Variants in CA10 observed in about 807,000 individuals in gnomAD.
CA10 encodes the protein carbonic anhydrase 10 (inactive).
In CA10, 14 loss-of-function variants were observed where a neutral mutation model predicts 44.2. The observed-to-expected ratio is 0.32, with a 90% CI of 0.21 to 0.50. The LOEUF is 0.50. Ranked by LOEUF, CA10 falls within the 20% of genes least tolerant of loss-of-function variation. The pLI is 0.99. For synonymous variants in CA10, 159 were observed against 141.6 expected, an observed-to-expected ratio of 1.12 and a Z score of -0.87; for missense variants, 350 against 409.7, an observed-to-expected ratio of 0.85 and a Z score of 1.26.
chr17:51,840,515 ACG>A, intron 3 of CA10, among the ~76,000 whole-genome samples: 1 of 142,050 alleles, frequency 7.0e-6, no homozygotes, highest in Non-Finnish European at 1.6e-5. Flanking sequence ...ACACACACAC[ACG>A]TACTATAGTT....
At chr17:52,097,562 C>A (rs57011705) in intron 1 of CA10, among the ~76,000 whole-genome samples, 1 of 152,108 alleles carries the variant, frequency 6.6e-6, no homozygotes, top group Non-Finnish European at 1.5e-5. Context: ...ACTGGTTTTG[C>A]ACTCTGGGTT....
chr17:51,734,687 G>A (rs1379972590), intron 4 of CA10, among the ~76,000 whole-genome samples: 2 of 152,260 alleles, frequency 1.3e-5, no homozygotes, highest in Admixed American at 6.5e-5. Flanking sequence ...ATGGGAGGGC[G>A]ATTCCTTGCA....
intron 3 of CA10, among the ~76,000 whole-genome samples, chr17:51,918,970 G>C (rs1982115975): frequency 6.6e-6 from 1 of 152,112 alleles, no homozygotes; most frequent in Non-Finnish European, 1.5e-5. Context: ...GAAAAATTAA[G>C]TCTGGGAGCT....
chr17:52,127,282 T>C (rs1174290313), intron 1 of CA10, among the ~76,000 whole-genome samples: 1 of 152,254 alleles, frequency 6.6e-6, no homozygotes, highest in East Asian at 1.9e-4. Context: ...CATCGAGTTC[T>C]AGCATATTCT....
chr17:51,953,886 A>T (rs1329081368), intron 2 of CA10, among the ~76,000 whole-genome samples: 1 of 152,180 alleles, frequency 6.6e-6, no homozygotes, highest in African/African-American at 2.4e-5. Context: ...GAATTACAAA[A>T]CTTCAGTGCC....
chr17:51,710,428 T>C (rs1915897910), intron 4 of CA10, among the ~76,000 whole-genome samples: 1 of 152,090 alleles, frequency 6.6e-6, no homozygotes, highest in African/African-American at 2.4e-5. Flanking sequence ...AGAGCAATTT[T>C]AAAGGGCAGA....
At chr17:51,760,011 A>G (rs568174060) in intron 3 of CA10, among the ~76,000 whole-genome samples, 12 of 152,342 alleles carry the variant, frequency 7.9e-5, no homozygotes, top group Admixed American at 3.3e-4. Flanking sequence ...GCTTATTTCT[A>G]GTTTAATGTC....
chr17:51,632,550 T>C (rs920385128), intron 8 of CA10, among the ~76,000 whole-genome samples: 11 of 152,198 alleles, frequency 7.2e-5, no homozygotes, highest in African/African-American at 2.7e-4. Context: ...GAGCATGTTA[T>C]TGCTACAAAG....
At chr17:51,780,529 A>G (rs1208870076) in intron 3 of CA10, among the ~76,000 whole-genome samples, 1 of 152,210 alleles carries the variant, frequency 6.6e-6, no homozygotes. Flanking sequence ...TTCCATACAT[A>G]TTAAGTGAGA....
chr17:51,786,691 A>G (rs542422189), intron 3 of CA10, among the ~76,000 whole-genome samples: 1 of 152,240 alleles, frequency 6.6e-6, no homozygotes, highest in Non-Finnish European at 1.5e-5. Flanking sequence ...TTGAGTAAAA[A>G]CATTGAGTAC....
chr17:51,658,312 C>G (rs1303570529), intron 4 of CA10, among the ~76,000 whole-genome samples: 1 of 152,186 alleles, frequency 6.6e-6, no homozygotes, highest in African/African-American at 2.4e-5. Flanking sequence ...CTGAGAAGGT[C>G]TTTGTCCTCC....
intron 3 of CA10, among the ~76,000 whole-genome samples, chr17:51,780,599 G>C (rs113929142): frequency 1.4e-3 from 214 of 152,260 alleles, no homozygotes; most frequent in Admixed American, 2.7e-3. Flanking sequence ...AGGTCACATG[G>C]ACACCTAAAT....
chr17:51,818,255 T>C (rs1907642012), intron 3 of CA10, among the ~76,000 whole-genome samples: 1 of 152,212 alleles, frequency 6.6e-6, no homozygotes, highest in Admixed American at 6.5e-5. Flanking sequence ...AGAAAGGAAA[T>C]AAGTTAGCTG....
At chr17:51,875,403 C>T (rs1348347044) in intron 3 of CA10, among the ~76,000 whole-genome samples, 1 of 152,186 alleles carries the variant, frequency 6.6e-6, no homozygotes, top group Non-Finnish European at 1.5e-5. Flanking sequence ...CACCGTGATA[C>T]ACTTAACACT....
intron 6 of CA10, 93 bp downstream of exon 6, chr17:51,649,089 G>A (rs764261554): frequency 1.2e-6 from 1 of 824,270 alleles, no homozygotes; most frequent in East Asian, 2.5e-5. Flanking sequence ...AACTGAAAAG[G>A]GCCCATGGAG....
chr17:51,874,961 TTTTTTTTC>T (rs1567869266), intron 3 of CA10, among the ~76,000 whole-genome samples: 1 of 1,408 alleles, frequency 7.1e-4, no homozygotes, highest in Non-Finnish European at 1.5e-3. Flanking sequence ...TTTTTTTTTC[TTTTTTTTC>T]TTTTCTTTTC....
chr17:51,763,789 T>C (rs1459630226), intron 3 of CA10, among the ~76,000 whole-genome samples: 2 of 152,084 alleles, frequency 1.3e-5, no homozygotes. Context: ...TTCTCCTTCT[T>C]CACCTCTGAC....
intron 2 of CA10, among the ~76,000 whole-genome samples, chr17:51,940,579 T>C (rs1357692990): frequency 6.6e-6 from 1 of 152,050 alleles, no homozygotes; most frequent in African/African-American, 2.4e-5. Context: ...AATTTGCTCT[T>C]TTAATCACCT....
rs572791550 is a variant in CA10, at chr17:51,631,628, A to AAAAAAATCACACATAC, written c.965-38_965-23dup. ...TTTACTGCAAAGAGAGAGAAAGAAA[A>AAAAAAATCACACATAC]AAAAAATCACACATACAACATAAAA... On this transcript the variant is annotated intron_variant, in intron 8 of 8. Coordinates refer to ENST00000451037, the MANE Select transcript of CA10 (RefSeq NM_020178.5). The AAAAAAATCACACATAC allele has an allele frequency of 7.4e-4, 1,191 of 1,607,844 alleles. 6 individuals carry two copies. In the African/African-American group the frequency reaches 8.2e-3, roughly 11 times the overall value.
Sources: allele counts gnomAD v4.1 joint callset (sites outside exome capture counted in the v4.1 genomes callset), GRCh38; gene constraint gnomAD v4.1.1; transcripts MANE v1.5; gene names NCBI Gene and HGNC (gene_info 2026-07-23, HGNC 2026-07-21).